The following PSME4 variants were observed in gnomAD, a reference collection of about 807,000 sequenced individuals.
PSME4 encodes proteasome activator subunit 4.
Under a neutral mutation model 253.9 loss-of-function variants are expected in PSME4, and 89 were observed. The ratio of observed to expected loss-of-function variants is 0.35; its 90% CI spans 0.30 to 0.42. The LOEUF (loss-of-function observed/expected upper bound fraction) is 0.42. Among genes scored for constraint, PSME4 ranks in the 10% least tolerant of loss-of-function variants. The pLI is 1.00. For missense variants in PSME4, 2,014 were observed against 2,195.2 expected (o/e 0.92, Z 1.65); for synonymous variants, 851 against 759.2 (o/e 1.12, Z -1.99).
intron 1 of PSME4, among the ~76,000 whole-genome samples, chr2:53,956,440 G>A (rs1670238781): frequency 1.3e-5 from 2 of 151,720 alleles, no homozygotes; most frequent in South Asian, 4.2e-4. Context: ...TGAGGCAGGA[G>A]AATCGCTTGA....
At chr2:53,929,547 A>C (rs1668726789) in intron 10 of PSME4, among the ~76,000 whole-genome samples, 1 of 149,596 alleles carries the variant, frequency 6.7e-6, no homozygotes, top group Non-Finnish European at 1.5e-5. Context: ...CATCTTCCTC[A>C]GACTTCCAAA....
chr2:53,948,498 G>A lies in PSME4; in HGVS notation c.423C>T (p.Pro141=). Residue 141 remains proline, a synonymous_variant, in exon 3 of 47, where the codon CCC becomes CCT. Coordinates refer to ENST00000404125, the MANE Select transcript of PSME4 (RefSeq NM_014614.3). Reference sequence around the variant, plus strand: ...CTACCATGTCATAAAGTGGTCTCCAGGGTAACTCCAAATCAGCTCTTGAAA... The same window carrying A: ...CTACCATGTCATAAAGTGGTCTCCAAGGTAACTCCAAATCAGCTCTTGAAA... ...ELLSRADLEL[P]WRPLYDMVER... is the part of the protein sequence containing the mutation. 2 of 1,613,398 alleles carry A rather than the reference G, an allele frequency of 1.2e-6. No individual in the cohort carries two copies. The highest frequency in any genetic ancestry group is 2.2e-5 in the South Asian group (2 of 91,050).
chr2:53,937,315 G>A, intron 5 of PSME4, 76 bp downstream of exon 5: 1 of 1,305,694 alleles, frequency 7.7e-7, no homozygotes, highest in South Asian at 1.5e-5. Flanking sequence ...TTTTCTAGTT[G>A]TTATTGTTTT....
rs982754482 is a variant in PSME4, at chr2:53,936,097, T to C, written c.824A>G (p.Tyr275Cys). Residue 275 changes from tyrosine (Y) to cysteine (C), a missense_variant, in exon 7 of 47, where the codon TAT (tyrosine) becomes TGT (cysteine). Physicochemically the swap from Tyr to Cys is radical, Grantham distance 194 (BLOSUM62 -2). Around this residue, in one of 4 missense-constraint regions of PSME4, gnomAD observed 615 missense variants for 594.4 expected, o/e 1.03. Coordinates refer to ENST00000404125, the MANE Select transcript of PSME4 (RefSeq NM_014614.3). ...CAAAATGTTAATTACCTTTGGTACA[T>C]ATGGATCCCAATCTATGTACCCTAT... ...DNIGYIDWDP[Y>C]VPKIFTRILR... 1 of 1,612,744 alleles carries C rather than the reference T, an allele frequency of 6.2e-7. No homozygotes were observed. Among genetic ancestry groups the C allele is most frequent in the African/African-American group, 1.3e-5 (1 of 74,906 alleles).
intron 41 of PSME4, among the ~76,000 whole-genome samples, chr2:53,885,180 T>C (rs1302403298): frequency 6.6e-6 from 1 of 152,176 alleles, no homozygotes; most frequent in Non-Finnish European, 1.5e-5. Flanking sequence ...GAGTAGATGA[T>C]TAGATAAAAC....
rs374336254 is a variant in PSME4 at position 53,920,923 on chromosome 2, A to G, written c.2228T>C (p.Phe743Ser). Residue 743 changes from phenylalanine (F) to serine (S), a missense_variant, in exon 18 of 47, where the codon TTT becomes TCT. By Grantham distance (155) the Phe-to-Ser change is radical. Transcript: ENST00000404125. ...PTEYCSVPGGFDKPPSEYFPI... is the reference protein window; with the variant it reads ...PTEYCSVPGGSDKPPSEYFPI... ...AAAGTATTCAGAAGGAGGCTTGTCAAAGCCACCTGGCACACTGCAGTATTC... is the reference window on the plus strand; with the variant it reads ...AAAGTATTCAGAAGGAGGCTTGTCAGAGCCACCTGGCACACTGCAGTATTC... The G allele has an allele frequency of 1.9e-6, 3 of 1,613,376 alleles. No individual in the cohort carries two copies. In the African/African-American group the frequency reaches 4.0e-5, roughly 22 times the overall value.
intron 26 of PSME4, 52 bp from the exon 27 acceptor site, chr2:53,904,208 G>GC: frequency 6.7e-7 from 1 of 1,490,492 alleles, no homozygotes; most frequent in Non-Finnish European, 9.1e-7. Flanking sequence ...AAAGTACAAA[G>GC]CAGTTTAAAA....
chr2:53,961,669 C>T (rs1010467608), intron 1 of PSME4, among the ~76,000 whole-genome samples: 7 of 152,120 alleles, frequency 4.6e-5, no homozygotes, highest in African/African-American at 1.7e-4. Flanking sequence ...CAGAGCAAGA[C>T]TGTCTAAAAA....
chr2:53,958,196 A>AAT (rs1268266392), intron 1 of PSME4, among the ~76,000 whole-genome samples: 74 of 151,550 alleles, frequency 4.9e-4, no homozygotes, highest in African/African-American at 1.7e-3. Context: ...AAAAAAAAAA[A>AAT]AAAAAAAAAA....
intron 32 of PSME4, among the ~76,000 whole-genome samples, chr2:53,896,230 A>C (rs967716779): frequency 9.2e-5 from 14 of 152,192 alleles, no homozygotes; most frequent in African/African-American, 3.4e-4. Context: ...TAATACAGTA[A>C]AATTATTTCA....
At chr2:53,927,672 C>T (rs535658743) in intron 11 of PSME4, among the ~76,000 whole-genome samples, 189 bp from the exon 12 acceptor site, 3 of 152,266 alleles carry the variant, frequency 2.0e-5, no homozygotes, top group African/African-American at 4.8e-5. Context: ...GTCGGCCGAG[C>T]GCAGTGGCTC....
chr2:53,949,051 T>C, intron 2 of PSME4, 92 bp downstream of exon 2: 2 of 1,407,374 alleles, frequency 1.4e-6, no homozygotes, highest in Non-Finnish European at 1.9e-6. Context: ...AATTTGAGAC[T>C]TGGTCTTCTT....
chr2:53,897,940 C>T lies in PSME4; in HGVS notation c.3536G>A (p.Arg1179Gln), dbSNP rs762742024. ...CCGTATGGCACGAAGAGGCAACACTCGGTCATCTCTCAGCAGTAGAGACAG... is the reference window on the plus strand; with the variant it reads ...CCGTATGGCACGAAGAGGCAACACTTGGTCATCTCTCAGCAGTAGAGACAG... Reference protein sequence around the residue: ...GLLSLLLRDDRVLPLRAIRFF... With the variant: ...GLLSLLLRDDQVLPLRAIRFF... The change falls in exon 31 of 47, where the codon CGA (arginine) becomes CAA (glutamine). Residue 1179 changes from arginine (R) to glutamine (Q), a missense_variant. Coordinates refer to ENST00000404125, the MANE Select transcript of PSME4 (RefSeq NM_014614.3). 9.9e-6 allele frequency: 16 copies of T among 1,613,034 alleles called. No homozygotes were observed. Among genetic ancestry groups the T allele is most frequent in the South Asian group, 8.8e-5 (8 of 91,062 alleles).
In PSME4 at chr2:53,927,436, T is replaced by C. The variant is rs777843412; in HGVS notation, c.1551A>G (p.Val517=). 6 of 1,597,794 alleles carry C rather than the reference T, an allele frequency of 3.8e-6. No individual in the cohort carries two copies. The highest frequency in any genetic ancestry group is 1.3e-5 in the African/African-American group (1 of 74,702). The part of the protein sequence containing the change: ...IATFSTLVPL[V]DCSSVLQERN... The stretch of plus-strand genomic sequence containing the variant: ...TTTCTTGTAGTACAGATGAACAATC[T>C]ACTAAAGGCACCAGAGTAGAAAATG... The change falls in exon 12 of 47, where the codon GTA becomes GTG. Residue 517 remains valine, a synonymous_variant. Transcript: ENST00000404125.
At chr2:53,964,902 C>A (rs1670644891) in intron 1 of PSME4, among the ~76,000 whole-genome samples, 1 of 152,156 alleles carries the variant, frequency 6.6e-6, no homozygotes, top group Non-Finnish European at 1.5e-5. Flanking sequence ...AATAATAAAA[C>A]AACTGTACTT....
chr2:53,891,165 A>G (rs1195942055), intron 36 of PSME4, among the ~76,000 whole-genome samples: 1 of 152,278 alleles, frequency 6.6e-6, no homozygotes, highest in Admixed American at 6.5e-5. Flanking sequence ...TTAAAGAGGC[A>G]ATGACATTTT....
At chr2:53,949,079 C>A in intron 2 of PSME4, 64 bp downstream of exon 2, 1 of 1,462,234 alleles carries the variant, frequency 6.8e-7, no homozygotes, top group Non-Finnish European at 9.1e-7. Flanking sequence ...ACACTTAGTC[C>A]TCATTCCCTA....
chr2:53,914,747 G>A (rs746531092), intron 20 of PSME4, among the ~76,000 whole-genome samples: 4 of 152,114 alleles, frequency 2.6e-5, no homozygotes, highest in Non-Finnish European at 4.4e-5. Flanking sequence ...CGGGCATGGT[G>A]GCACACGCCT....
Position 53,895,702 on chromosome 2 carries a change from AC to A in PSME4, c.3722del (p.Gly1241ValfsTer62). ...GCAACCAATGATTATCAGGCCTATC[AC>A]CAGCAATAATTTGGGTGGGTTTAGG... ...GCPKPTQIIA[G>X]DRPDNHWLHY... On this transcript the variant is annotated frameshift_variant, in exon 33 of 47. Transcript: ENST00000404125. LOFTEE classifies it high-confidence loss of function. 6.2e-7 allele frequency: 1 copy of A among 1,612,378 alleles called. No homozygotes were observed. Among genetic ancestry groups the A allele is most frequent in the Non-Finnish European group, 8.5e-7 (1 of 1,179,480 alleles).
Sources: allele counts gnomAD v4.1 joint callset (sites outside exome capture counted in the v4.1 genomes callset), GRCh38; gene constraint gnomAD v4.1.1; regional missense constraint gnomAD v4.1.1; transcripts MANE v1.5; gene names NCBI Gene and HGNC (gene_info 2026-07-23, HGNC 2026-07-21).